Variants in ABCB5 observed in about 807,000 individuals in gnomAD.
The protein encoded by ABCB5 is ATP binding cassette subfamily B member 5.
In ABCB5, 155 loss-of-function variants were observed where a neutral mutation model predicts 144.2. The ratio of observed to expected loss-of-function variants is 1.08; its 90% confidence interval spans 0.94 to 1.23. ABCB5 has a LOEUF of 1.23. Among genes scored for constraint, ABCB5 ranks in the 50% most tolerant of loss-of-function variants. The pLI is 0.00. For synonymous variants in ABCB5, 610 were observed against 528.6 expected, an observed-to-expected ratio of 1.15 and a Z score of -2.11; for missense variants, 1,830 against 1,520.8, an observed-to-expected ratio of 1.20 and a Z score of -3.38.
intron 14 of ABCB5, among the ~76,000 whole-genome samples, chr7:20,666,223 T>C (rs921537599): frequency 2.5e-4 from 37 of 150,920 alleles, no homozygotes; most frequent in African/African-American, 8.8e-4. Context: ...ATGGAGTACA[T>C]GTCACCGATG....
chr7:20,730,979 A>T (rs572732530), intron 23 of ABCB5, among the ~76,000 whole-genome samples: 1 of 152,096 alleles, frequency 6.6e-6, no homozygotes, highest in Non-Finnish European at 1.5e-5. Context: ...TGATTTTCCA[A>T]ATTCTCACAG....
intron 16 of ABCB5, among the ~76,000 whole-genome samples, chr7:20,697,633 CT>C (rs1451587579): frequency 4.6e-5 from 7 of 152,208 alleles, no homozygotes; most frequent in African/African-American, 1.7e-4. Context: ...AGAATGACTA[CT>C]TGCATTGTGC....
At chr7:20,626,352 C>G (rs1783908435) in intron 2 of ABCB5, among the ~76,000 whole-genome samples, 1 of 152,156 alleles carries the variant, frequency 6.6e-6, no homozygotes. Flanking sequence ...AAATTCTCCT[C>G]CAGACACGTC....
chr7:20,695,390 A>T (rs1786374232), intron 16 of ABCB5, among the ~76,000 whole-genome samples: 1 of 151,862 alleles, frequency 6.6e-6, no homozygotes, highest in African/African-American at 2.4e-5. Context: ...CACAACCCAT[A>T]CCTCAAACCA....
At chr7:20,618,778 T>TTC (rs1783745770) in intron 1 of ABCB5, among the ~76,000 whole-genome samples, 1 of 132,416 alleles carries the variant, frequency 7.6e-6, no homozygotes, top group African/African-American at 2.8e-5. Flanking sequence ...TTTTTTTTTT[T>TTC]TTTTTTTTTT....
At chr7:20,673,150 T>C (rs914801749) in intron 14 of ABCB5, among the ~76,000 whole-genome samples, 2 of 152,184 alleles carry the variant, frequency 1.3e-5, no homozygotes, top group African/African-American at 4.8e-5. Context: ...ATGACTTGAA[T>C]ACAAGTAAGT....
intron 13 of ABCB5, among the ~76,000 whole-genome samples, chr7:20,656,164 T>C (rs555954835): frequency 2.0e-5 from 3 of 152,294 alleles, no homozygotes; most frequent in Non-Finnish European, 4.4e-5. Flanking sequence ...ACCAAAATTG[T>C]AAAGCGTAAA....
At position 20,654,812 on chromosome 7, in the gene ABCB5, A is replaced by T. The variant is rs142580810; in HGVS notation, c.1536+3189A>T. 4.9e-4 allele frequency among the ~76,000 whole-genome samples: 74 copies of T among 152,286 alleles called. No homozygotes were observed. The South Asian group carries it at 0.012, about 25-fold the overall frequency. ...ATTGCAATGTATTAGTATTTGTGAGATATAGTTAAAGTATTGCTCTGAGAG... is the reference window on the plus strand; with the variant it reads ...ATTGCAATGTATTAGTATTTGTGAGTTATAGTTAAAGTATTGCTCTGAGAG... On this transcript the variant is annotated intron_variant, in intron 13 of 27. Coordinates refer to ENST00000404938, the MANE Select transcript of ABCB5 (RefSeq NM_001163941.2).
rs560585919 is a variant in ABCB5 at position 20,740,197 on chromosome 7, G to A, written c.3024+1058G>A. Among the ~76,000 whole-genome samples, 13 of 152,228 alleles carry A rather than the reference G, an allele frequency of 8.5e-5. No homozygotes were observed. In the South Asian group the frequency reaches 1.2e-3, roughly 15 times the overall value. On this transcript the variant is annotated intron_variant, in intron 24 of 27. Coordinates refer to ENST00000404938, the MANE Select transcript of ABCB5 (RefSeq NM_001163941.2). ...GGAGGTTGCAGTGAGCCGAGATCAC[G>A]CCACTGCACCCCAGCTTGGGCGACA...
intron 20 of ABCB5, among the ~76,000 whole-genome samples, chr7:20,720,319 G>C (rs1390068974): frequency 6.6e-6 from 1 of 152,202 alleles, no homozygotes; most frequent in Non-Finnish European, 1.5e-5. Flanking sequence ...CAATAAATAA[G>C]TTGAAAGTTT....
chr7:20,709,699 G>A (rs1270209813), intron 20 of ABCB5, among the ~76,000 whole-genome samples: 1 of 150,040 alleles, frequency 6.7e-6, no homozygotes, highest in East Asian at 2.0e-4. Flanking sequence ...GTAAAGTGAT[G>A]AGAGTGGCAC....
intron 14 of ABCB5, among the ~76,000 whole-genome samples, chr7:20,660,881 A>C (rs1784981827): frequency 1.3e-5 from 2 of 152,128 alleles, no homozygotes; most frequent in African/African-American, 4.8e-5. Context: ...CCTCTCCATT[A>C]GTCATTTATC....
chr7:20,700,458 GAAGT>G (rs2128043371), intron 19 of ABCB5, among the ~76,000 whole-genome samples: 1 of 152,340 alleles, frequency 6.6e-6, no homozygotes, highest in African/African-American at 2.4e-5. Context: ...TTAAAAAGGA[GAAGT>G]AAGAGCTACC....
chr7:20,680,444 G>A (rs185747048), intron 14 of ABCB5, among the ~76,000 whole-genome samples: 141 of 152,096 alleles, frequency 9.3e-4, no homozygotes, highest in African/African-American at 3.3e-3. Context: ...GTGGTGGTGG[G>A]CACCTGTAGT....
chr7:20,648,881 G>A (rs1018508406), intron 11 of ABCB5, among the ~76,000 whole-genome samples: 4 of 151,858 alleles, frequency 2.6e-5, no homozygotes, highest in Non-Finnish European at 4.4e-5. Flanking sequence ...CTTAATTACC[G>A]ATTACCATTA....
chr7:20,710,383 T>G (rs62453379), intron 20 of ABCB5, among the ~76,000 whole-genome samples: 38,279 of 68,026 alleles, frequency 0.56, 10,699 homozygotes, highest in East Asian at 0.8. Flanking sequence ...AAAAAAAAAG[T>G]GGGGGGGGGG....
At chr7:20,741,783 C>A (rs1322961318) in intron 24 of ABCB5, among the ~76,000 whole-genome samples, 1 of 152,156 alleles carries the variant, frequency 6.6e-6, no homozygotes, top group Non-Finnish European at 1.5e-5. Context: ...TACCACCACA[C>A]ACACATGCAC....
At chr7:20,662,324 T>C (rs1423818553) in intron 14 of ABCB5, among the ~76,000 whole-genome samples, 1 of 152,228 alleles carries the variant, frequency 6.6e-6, no homozygotes, top group East Asian at 1.9e-4. Flanking sequence ...CCGTTGGTCT[T>C]CCTCGGAGAC....
intron 26 of ABCB5, among the ~76,000 whole-genome samples, chr7:20,753,030 T>C (rs1344494873): frequency 1.4e-4 from 21 of 152,242 alleles, no homozygotes; most frequent in Admixed American, 1.2e-3. Context: ...GTAGGTAGTA[T>C]AACTTAATGG....
Sources: allele counts gnomAD v4.1 joint callset (sites outside exome capture counted in the v4.1 genomes callset), GRCh38; gene constraint gnomAD v4.1.1; transcripts MANE v1.5; gene names NCBI Gene and HGNC (gene_info 2026-07-23, HGNC 2026-07-21).